BMP1: variants seen among roughly 807,000 people sequenced by gnomAD.
The protein encoded by BMP1 is mammalian tolloid protein.
BMP1 carries 63 observed loss-of-function variants against 116.8 expected under a neutral mutation model. The observed-to-expected ratio is 0.54, with a 90% CI of 0.44 to 0.67. The LOEUF (loss-of-function observed/expected upper bound fraction) is 0.67. BMP1 is among the 30% of genes least tolerant of loss of function. The probability of loss-of-function intolerance (pLI) is 0.00; values close to 1 mark genes in which losing one functional copy is unlikely to be tolerated. For synonymous variants in BMP1, 536 were observed against 533.4 expected (o/e 1.00, Z -0.07); for missense variants, 1,183 against 1,358.9 (o/e 0.87, Z 2.04).
chr8:22,206,177 G>A (rs1829350646), intron 16 of BMP1, among the ~76,000 whole-genome samples: 1 of 152,122 alleles, frequency 6.6e-6, no homozygotes, highest in South Asian at 2.1e-4. Context: ...GACCAGCCTG[G>A]CCAACATGGT....
chr8:22,185,240 T>C (rs1311973155), intron 8 of BMP1, among the ~76,000 whole-genome samples: 3 of 152,018 alleles, frequency 2.0e-5, no homozygotes, highest in African/African-American at 7.2e-5. Context: ...TCACTTGAGG[T>C]CAGGGGTTTG....
intron 8 of BMP1, among the ~76,000 whole-genome samples, chr8:22,185,093 G>A (rs1021056565): frequency 4.6e-5 from 7 of 152,176 alleles, no homozygotes; most frequent in African/African-American, 1.7e-4. Flanking sequence ...AGCAGCTGGC[G>A]CGGAGAGGAC....
intron 7 of BMP1, 80 bp from the exon 8 acceptor site, chr8:22,180,288 C>A: frequency 8.5e-7 from 1 of 1,180,668 alleles, no homozygotes. Flanking sequence ...CAGAGGATGC[C>A]AAGGTTCAGG....
chr8:22,194,257 G>A lies in BMP1; in HGVS notation c.1297+83G>A. 1.3e-6 allele frequency: 2 copies of A among 1,503,306 alleles called. No homozygotes were observed. The highest frequency in any genetic ancestry group is 1.8e-6 in the Non-Finnish European group (2 of 1,082,318). The allele number at this position is 1,503,306 out of a possible 1,614,324, so 93.1% of individuals were successfully genotyped here. On this transcript the variant is annotated intron_variant, in intron 10 of 19. Transcript: ENST00000306385. The surrounding 1 kb of genome is among the most constrained non-coding windows in gnomAD (Gnocchi z 4.5). ...AACAACTCCCTCCTGGCACCTGAGG[G>A]GCAAGATTGTGGGTTCCCAAGGGAA...
intron 2 of BMP1, among the ~76,000 whole-genome samples, chr8:22,175,110 AG>A (rs1462628971): frequency 1.3e-5 from 2 of 152,220 alleles, no homozygotes; most frequent in Non-Finnish European, 2.9e-5. Flanking sequence ...ATGTGACCTT[AG>A]TGGGGACTAG....
intron 8 of BMP1, among the ~76,000 whole-genome samples, chr8:22,188,000 T>C (rs987585402): frequency 2.0e-5 from 3 of 152,010 alleles, no homozygotes; most frequent in African/African-American, 4.8e-5. Context: ...GGGCAACATG[T>C]TTAACTGGCA....
chr8:22,186,399 T>C (rs1188523946), intron 8 of BMP1, among the ~76,000 whole-genome samples: 2 of 152,232 alleles, frequency 1.3e-5, no homozygotes, highest in Non-Finnish European at 2.9e-5. Context: ...CTCGCAGCTG[T>C]GCCACGTACT....
chr8:22,169,208 G>A (rs1454757625), intron 1 of BMP1: 1 of 149,950 alleles, frequency 6.7e-6, no homozygotes, highest in Non-Finnish European at 1.5e-5. Context: ...AAAAAATCTA[G>A]TTTCTCCAGA....
Position 22,201,111 on chromosome 8 carries a change from G to A in BMP1, c.2108-692G>A, listed in dbSNP as rs200238580. The A allele has an allele frequency of 7.8e-5, 123 of 1,583,220 alleles. No individual in the cohort carries two copies. The highest frequency in any genetic ancestry group is 6.7e-4 in the Middle Eastern group (4 of 5,936). ...GGTCCCTTTTCTCCTTCTCTCTCTC[G>A]TTTCAGAAAAGAGGCCAGCTCTGCA... is the stretch of plus-strand genomic sequence containing the variant. On this transcript the variant is annotated intron_variant, in intron 15 of 19. Coordinates refer to ENST00000306385, the MANE Select transcript of BMP1 (RefSeq NM_006129.5).
intron 13 of BMP1, 54 bp downstream of exon 13, chr8:22,195,641 C>T (rs1829062245): frequency 2.5e-6 from 4 of 1,568,848 alleles, no homozygotes; most frequent in Non-Finnish European, 2.6e-6. Context: ...ACCAGCCCAC[C>T]TGCCCAGAAT....
At position 22,176,071 on chromosome 8, in the gene BMP1, T is replaced by C. The variant is rs543962647; in HGVS notation, c.263-72T>C. 3.4e-6 allele frequency: 5 copies of C among 1,492,486 alleles called. No homozygotes were observed. In the East Asian group the frequency reaches 9.2e-5, roughly 27 times the overall value. 92.5% of individuals were successfully genotyped at this position (1,492,486 alleles called of 1,614,324 possible). ...TTGCAAGCACAGAATCCATGAAAAATGAGGTTTGACTATGCTTTTGCTTTC... is the reference window on the plus strand; with the variant it reads ...TTGCAAGCACAGAATCCATGAAAAACGAGGTTTGACTATGCTTTTGCTTTC... On this transcript the variant is annotated intron_variant, in intron 2 of 19. Transcript: ENST00000306385.
chr8:22,203,552 G>A (rs966828974), intron 16 of BMP1, among the ~76,000 whole-genome samples: 5 of 152,082 alleles, frequency 3.3e-5, no homozygotes, highest in Non-Finnish European at 5.9e-5. Context: ...GCAAGACTCC[G>A]TTTCAAAAAA....
chr8:22,210,751 C>G (rs544519896), intron 19 of BMP1, among the ~76,000 whole-genome samples: 1 of 152,304 alleles, frequency 6.6e-6, no homozygotes, highest in South Asian at 2.1e-4. Context: ...GGCTGCCAGG[C>G]TAGTGTCCCC....
At chr8:22,202,283 G>A (rs561855924) in intron 16 of BMP1, among the ~76,000 whole-genome samples, 3 of 152,334 alleles carry the variant, frequency 2.0e-5, no homozygotes, top group African/African-American at 7.2e-5. Context: ...AGAGCCAGGT[G>A]GCCTGGCCCA....
intron 15 of BMP1, among the ~76,000 whole-genome samples, chr8:22,200,607 C>T (rs1470117637): frequency 2.9e-4 from 44 of 152,218 alleles, no homozygotes; most frequent in Non-Finnish European, 2.9e-5. Flanking sequence ...ACCGTGTGCA[C>T]ATGTATGTGT....
chr8:22,211,024 G>A (rs1354217220), intron 19 of BMP1, among the ~76,000 whole-genome samples: 1 of 152,240 alleles, frequency 6.6e-6, no homozygotes, highest in East Asian at 1.9e-4. Context: ...GGGCTCGGGA[G>A]CAGACCTTGG....
At position 22,194,876 on chromosome 8, in the gene BMP1, C is replaced by T. The variant is rs757820130; in HGVS notation, c.1596C>T (p.Asp532=). The change falls in exon 12 of 20, where the codon GAC becomes GAT. Residue 532 remains aspartate, a synonymous_variant. Transcript: ENST00000306385. This position sits in a 1 kb window ranked among gnomAD's most constrained non-coding sequence, Gnocchi z 4.5. ...SSRLWLKFVS[D]GSINKAGFAV... ...GCCTCTGGCTCAAGTTCGTCTCTGACGGGTCCATTAACAAAGCGGGCTTTG... is the reference window on the plus strand; with the variant it reads ...GCCTCTGGCTCAAGTTCGTCTCTGATGGGTCCATTAACAAAGCGGGCTTTG... 3.4e-5 allele frequency: 55 copies of T among 1,613,196 alleles called. No homozygotes were observed. The highest frequency in any genetic ancestry group is 4.4e-5 in the South Asian group (4 of 90,952).
chr8:22,185,921 C>T (rs576930182), intron 8 of BMP1, among the ~76,000 whole-genome samples: 9 of 150,488 alleles, frequency 6.0e-5, no homozygotes, highest in Admixed American at 1.3e-4. Context: ...ATATAACCTC[C>T]GCCTCCCGGG....
intron 1 of BMP1, among the ~76,000 whole-genome samples, chr8:22,168,457 C>T (rs1384073202): frequency 2.0e-5 from 3 of 152,180 alleles, no homozygotes; most frequent in Non-Finnish European, 2.9e-5. Context: ...GCCCAGGGGC[C>T]TGACCCCACA....
Sources: gnomAD v4.1 joint callset for allele counts (sites outside exome capture counted in the v4.1 genomes callset) on GRCh38, gnomAD v4.1.1 for gene constraint, Gnocchi (gnomAD v3.1) non-coding constraint, MANE v1.5 for transcripts, NCBI Gene and HGNC (gene_info 2026-07-23, HGNC 2026-07-21) for gene names.